Variants in PCP4 observed in about 807,000 individuals in gnomAD.
PCP4 encodes Purkinje cell protein 4.
A neutral mutation model predicts 10.0 loss-of-function variants in PCP4; 8 were observed. That is an observed-to-expected ratio of 0.80 (90% CI 0.47 to 1.45). The LOEUF (loss-of-function observed/expected upper bound fraction) is 1.45. Among genes scored for constraint, PCP4 ranks in the 40% most tolerant of loss-of-function variants. PCP4 has a pLI of 0.00. For missense variants in PCP4, 54 were observed against 74.4 expected (o/e 0.73, Z 1.01); for synonymous variants, 21 against 23.0 (o/e 0.91, Z 0.24).
chr21:39,893,523 G>T (rs1406713145), intron 1 of PCP4, among the ~76,000 whole-genome samples: 1 of 152,228 alleles, frequency 6.6e-6, no homozygotes, highest in Non-Finnish European at 1.5e-5. Context: ...ACGTGTTTAA[G>T]AACCCAGAGG....
rs925645791 is a variant in PCP4, at chr21:39,906,343, A to T, written c.61+7816A>T. Among the ~76,000 whole-genome samples, 2 of 152,240 alleles carry T rather than the reference A, an allele frequency of 1.3e-5. No homozygotes were observed. Among genetic ancestry groups the T allele is most frequent in the African/African-American group, 4.8e-5 (2 of 41,458 alleles). ...AAGTTAATGGGCTACATCTTAGCCA[A>T]ACCAGAAACTATTGTATCCATAGTA... On this transcript the variant is annotated intron_variant, in intron 2 of 2. Transcript: ENST00000328619. This position sits in a 1 kb window ranked among gnomAD's most constrained non-coding sequence, Gnocchi z 6.3.
chr21:39,922,691 T>C (rs144060184), intron 2 of PCP4, among the ~76,000 whole-genome samples: 14 of 152,354 alleles, frequency 9.2e-5, no homozygotes, highest in African/African-American at 2.9e-4. Context: ...CCTCATTGCC[T>C]GGAGCCATTT....
At chr21:39,916,680 A>G (rs2146347359) in intron 2 of PCP4, among the ~76,000 whole-genome samples, 1 of 152,348 alleles carries the variant, frequency 6.6e-6, no homozygotes, top group South Asian at 2.1e-4. Flanking sequence ...TCATTGCAGC[A>G]CTATTCACAA....
At chr21:39,881,156 C>A (rs1456319244) in intron 1 of PCP4, among the ~76,000 whole-genome samples, 1 of 152,120 alleles carries the variant, frequency 6.6e-6, no homozygotes, top group Non-Finnish European at 1.5e-5. Flanking sequence ...CAAAACATTC[C>A]TTTTCTTCCA....
chr21:39,903,576 A>C (rs1015418074), intron 2 of PCP4, among the ~76,000 whole-genome samples: 3 of 152,158 alleles, frequency 2.0e-5, no homozygotes, highest in Non-Finnish European at 4.4e-5. Flanking sequence ...CTTAAGACTT[A>C]GTTTGATTTG....
intron 1 of PCP4, among the ~76,000 whole-genome samples, chr21:39,877,580 C>T (rs1352944796): frequency 6.6e-6 from 1 of 151,730 alleles, no homozygotes; most frequent in African/African-American, 2.4e-5. Flanking sequence ...TCCTGTAGTC[C>T]CAGCTACTCA....
intron 1 of PCP4, among the ~76,000 whole-genome samples, chr21:39,891,460 A>G (rs2087430850): frequency 6.6e-6 from 1 of 152,232 alleles, no homozygotes; most frequent in Non-Finnish European, 1.5e-5. Flanking sequence ...ACCTTGGATC[A>G]ACGAGAGATG....
chr21:39,868,679 C>A (rs1677230667), intron 1 of PCP4, among the ~76,000 whole-genome samples: 2 of 152,196 alleles, frequency 1.3e-5, no homozygotes, highest in Non-Finnish European at 2.9e-5. Flanking sequence ...AACCTCTCAA[C>A]AACTCCGTGC....
chr21:39,920,351 G>A (rs1411253587), intron 2 of PCP4, among the ~76,000 whole-genome samples: 4 of 150,318 alleles, frequency 2.7e-5, no homozygotes, highest in Non-Finnish European at 1.5e-5. Flanking sequence ...TGTGTGGTGT[G>A]TTTGCATATG....
At chr21:39,917,693 G>C (rs139250506) in intron 2 of PCP4, among the ~76,000 whole-genome samples, 1 of 152,130 alleles carries the variant, frequency 6.6e-6, no homozygotes, top group South Asian at 2.1e-4. Context: ...CCTTAGTCAA[G>C]CTGTTTCTCA....
intron 2 of PCP4, among the ~76,000 whole-genome samples, chr21:39,921,467 A>G (rs2087596266): frequency 6.6e-6 from 1 of 152,192 alleles, no homozygotes; most frequent in African/African-American, 2.4e-5. Context: ...CAGAAGCCCA[A>G]ATTCTCTTTG....
At chr21:39,899,707 A>G (rs3787931) in intron 2 of PCP4, among the ~76,000 whole-genome samples, 84,361 of 151,982 alleles carry the variant, frequency 0.56, 23,903 homozygotes, top group African/African-American at 0.67. Flanking sequence ...CCATGAGGCC[A>G]ATGGCTCTTC....
rs2087639949 is a variant in PCP4 at position 39,929,255 on chromosome 21, C to T, written c.*144C>T. 1.5e-6 allele frequency: 1 copy of T among 675,810 alleles called. No individual in the cohort carries two copies. Among genetic ancestry groups the T allele is most frequent in the African/African-American group, 1.8e-5 (1 of 54,750 alleles). The allele number at this position is 675,810 out of a possible 1,614,324, so 41.9% of individuals were successfully genotyped here. On this transcript the variant is annotated 3_prime_UTR_variant, in exon 3 of 3. Coordinates refer to ENST00000328619, the MANE Select transcript of PCP4 (RefSeq NM_006198.3). ...AAACCTCCAATGCATGTACAGAAAC[C>T]TGTGATATTTATACCCTTGTAGGAA... is the stretch of plus-strand genomic sequence containing the variant.
chr21:39,917,993 G>A (rs2087577220), intron 2 of PCP4, among the ~76,000 whole-genome samples: 1 of 152,146 alleles, frequency 6.6e-6, no homozygotes, highest in Admixed American at 6.5e-5. Flanking sequence ...ACAGAGGGAA[G>A]CCATCTGCAA....
chr21:39,885,606 G>A (rs1334640843), intron 1 of PCP4, among the ~76,000 whole-genome samples: 1 of 152,186 alleles, frequency 6.6e-6, no homozygotes, highest in Admixed American at 6.5e-5. Context: ...GCCCATGCCC[G>A]TGGAGTCACA....
intron 1 of PCP4, among the ~76,000 whole-genome samples, chr21:39,887,369 T>A (rs73215375): frequency 0.22 from 32,876 of 150,262 alleles, 3,834 homozygotes; most frequent in South Asian, 0.38. Context: ...TTTTTTTTTT[T>A]AAAAAACCTT....
intron 1 of PCP4, among the ~76,000 whole-genome samples, chr21:39,887,189 AG>A (rs2087404354): frequency 6.6e-6 from 1 of 152,244 alleles, no homozygotes; most frequent in Admixed American, 6.5e-5. Context: ...CATAAAGGTC[AG>A]GATAAAAAAA....
intron 1 of PCP4, among the ~76,000 whole-genome samples, chr21:39,874,912 GT>G (rs2087337963): frequency 6.6e-6 from 1 of 152,196 alleles, no homozygotes; most frequent in African/African-American, 2.4e-5. Context: ...CGGGCAGGTA[GT>G]GTAGACAGTG....
At chr21:39,914,372 G>A (rs1056551120) in intron 2 of PCP4, among the ~76,000 whole-genome samples, 4 of 152,116 alleles carry the variant, frequency 2.6e-5, no homozygotes, top group Non-Finnish European at 4.4e-5. Flanking sequence ...TCAGGAGTTC[G>A]AGATCAGCCT....
Sources: allele counts gnomAD v4.1 joint callset (sites outside exome capture counted in the v4.1 genomes callset), GRCh38; gene constraint gnomAD v4.1.1; non-coding constraint Gnocchi (gnomAD v3.1); transcripts MANE v1.5; gene names NCBI Gene and HGNC (gene_info 2026-07-23, HGNC 2026-07-21).